SHROOM4: variants seen among roughly 807,000 people sequenced by gnomAD.
The protein encoded by SHROOM4 is shroom family member 4.
SHROOM4 carries 17 observed loss-of-function variants against 80.3 expected under a neutral mutation model. The ratio of observed to expected loss-of-function variants is 0.21; its 90% CI spans 0.14 to 0.32. The LOEUF (loss-of-function observed/expected upper bound fraction) is 0.32. Ranked by LOEUF, SHROOM4 falls within the 10% of genes least tolerant of loss-of-function variation. SHROOM4 has a pLI of 1.00. For synonymous variants in SHROOM4, 400 were observed against 437.5 expected (o/e 0.91, Z 1.07); for missense variants, 993 against 1,140.3 (o/e 0.87, Z 1.86).
intron 1 of SHROOM4, among the ~76,000 whole-genome samples, chrX:50,753,491 G>A: frequency 8.9e-6 from 1 of 111,772 alleles, no homozygotes; most frequent in Admixed American, 9.5e-5. Flanking sequence ...ATACCTGGGA[G>A]CAAGGCCTAG....
chrX:50,777,680 A>G (rs1226289528), intron 1 of SHROOM4, among the ~76,000 whole-genome samples: 1 of 112,071 alleles, frequency 8.9e-6, no homozygotes, highest in African/African-American at 3.2e-5. Context: ...ATCAAAATAT[A>G]TTACTCTGTT....
chrX:50,614,627 T>C (rs1930143422), intron 5 of SHROOM4, among the ~76,000 whole-genome samples: 1 of 112,313 alleles, frequency 8.9e-6, no homozygotes, highest in Non-Finnish European at 1.9e-5. Flanking sequence ...TTGGTGGGAG[T>C]TGAAATTAGC....
intron 2 of SHROOM4, among the ~76,000 whole-genome samples, chrX:50,640,512 C>T (rs1931550782): frequency 9.1e-6 from 1 of 110,466 alleles, no homozygotes; most frequent in African/African-American, 3.3e-5. Flanking sequence ...AACTTTATGC[C>T]CCAAATACTG....
chrX:50,691,870 G>A (rs1293955042), intron 2 of SHROOM4, among the ~76,000 whole-genome samples: 1 of 111,449 alleles, frequency 9.0e-6, no homozygotes, highest in African/African-American at 3.3e-5. Flanking sequence ...GAACGAGAGG[G>A]AATTAATTTC....
At chrX:50,752,888 T>A (rs1557268145) in intron 1 of SHROOM4, among the ~76,000 whole-genome samples, 1 of 111,697 alleles carries the variant, frequency 9.0e-6, no homozygotes, top group African/African-American at 3.3e-5. Context: ...TCACTCTCCA[T>A]ACTTTACATA....
At chrX:50,730,076 T>C (rs1318453496) in intron 1 of SHROOM4, among the ~76,000 whole-genome samples, 6 of 112,190 alleles carry the variant, frequency 5.3e-5, no homozygotes, top group Non-Finnish European at 1.1e-4. Flanking sequence ...TAAAGGTTAA[T>C]TGTGTAGGTA....
intron 5 of SHROOM4, among the ~76,000 whole-genome samples, chrX:50,626,861 C>T (rs782443027): frequency 1.2e-4 from 13 of 111,923 alleles, no homozygotes; most frequent in African/African-American, 3.6e-4. Context: ...GTGCTTCCTG[C>T]TGTTCTTTTG....
At chrX:50,616,143 T>A (rs1930225485) in intron 5 of SHROOM4, among the ~76,000 whole-genome samples, 1 of 112,484 alleles carries the variant, frequency 8.9e-6, no homozygotes, top group South Asian at 3.7e-4. Flanking sequence ...CCCTTCAGCC[T>A]TGTCCAATCA....
intron 2 of SHROOM4, among the ~76,000 whole-genome samples, chrX:50,644,226 C>T (rs2147324380): frequency 8.9e-6 from 1 of 112,420 alleles, no homozygotes; most frequent in South Asian, 3.7e-4. Context: ...AGAAAAGGTG[C>T]CCATTAGCAA....
chrX:50,785,159 T>A (rs888106095), intron 1 of SHROOM4, among the ~76,000 whole-genome samples: 5 of 111,834 alleles, frequency 4.5e-5, no homozygotes, highest in Non-Finnish European at 7.5e-5. Flanking sequence ...CCTCCTACAG[T>A]ATTGACTTAA....
chrX:50,675,626 T>A (rs1237674398), intron 2 of SHROOM4, among the ~76,000 whole-genome samples: 1 of 111,084 alleles, frequency 9.0e-6, no homozygotes, highest in East Asian at 2.8e-4. Flanking sequence ...AAATATGAAG[T>A]TAGTATTGAG....
intron 1 of SHROOM4, among the ~76,000 whole-genome samples, chrX:50,702,346 C>A (rs782640944): frequency 9.0e-6 from 1 of 111,149 alleles, no homozygotes; most frequent in East Asian, 2.8e-4. Flanking sequence ...TTAGAGACTC[C>A]GAAGAGAAAT....
intron 1 of SHROOM4, among the ~76,000 whole-genome samples, chrX:50,698,883 G>A (rs1333691554): frequency 8.9e-6 from 1 of 112,072 alleles, no homozygotes; most frequent in African/African-American, 3.2e-5. Context: ...ATATTCTTCC[G>A]TAAAAGGTTT....
intron 2 of SHROOM4, among the ~76,000 whole-genome samples, chrX:50,648,100 G>A (rs782771928): frequency 8.9e-6 from 1 of 111,998 alleles, no homozygotes; most frequent in South Asian, 3.7e-4. Context: ...GTGTGTGTGG[G>A]GGTCAACAGT....
rs1557246549 is a variant in SHROOM4 at position 50,596,240 on chromosome X, TC to T, written c.*454del. 5 of 334,697 alleles carry T rather than the reference TC, an allele frequency of 1.5e-5. No individual in the cohort carries two copies. Among genetic ancestry groups the T allele is most frequent in the Non-Finnish European group, 2.9e-5 (5 of 173,348 alleles). 27.6% of individuals were successfully genotyped at this position (334,697 alleles called of 1,213,427 possible). A position where few individuals can be genotyped will look rare whatever the true frequency, so the allele number is the denominator to read the frequency against. ...TGAAACTGGTGCCAGGTGAATGCCCTCAAGGCAGCCAGCTCTCTGTGAGAAA... is the reference window on the plus strand; with the variant it reads ...TGAAACTGGTGCCAGGTGAATGCCCTAAGGCAGCCAGCTCTCTGTGAGAAA... On this transcript the variant is annotated 3_prime_UTR_variant, in exon 9 of 9. Coordinates refer to ENST00000376020, the MANE Select transcript of SHROOM4 (RefSeq NM_020717.5).
chrX:50,704,782 G>C (rs1370905065), intron 1 of SHROOM4, among the ~76,000 whole-genome samples: 1 of 110,927 alleles, frequency 9.0e-6, no homozygotes, highest in African/African-American at 3.3e-5. Context: ...CGAAGGGAGA[G>C]GGGGTTTGTT....
Position 50,602,766 on chromosome X carries a change from G to A in SHROOM4, c.3809C>T (p.Pro1270Leu). 1 of 1,211,113 alleles carries A rather than the reference G, an allele frequency of 8.3e-7. No individual in the cohort carries two copies. The highest frequency in any genetic ancestry group is 1.1e-6 in the Non-Finnish European group (1 of 895,173). The change falls in exon 7 of 9, where the codon CCT becomes CTT. Residue 1270 changes from proline to leucine, a missense_variant. Pro to Leu is a moderately conservative substitution (Grantham distance 98, BLOSUM62 -3). Transcript: ENST00000376020. ...ATTGTAATAAGCTGAGTAAGAGGTA[G>A]GGATTCCTGGGGCCCCTGAAGGAGG... Reference protein sequence around the residue: ...FSPPSGAPGIPTSYSAYYNIS... With the variant: ...FSPPSGAPGILTSYSAYYNIS...
At chrX:50,748,847 G>A (rs1232916940) in intron 1 of SHROOM4, among the ~76,000 whole-genome samples, 1 of 112,206 alleles carries the variant, frequency 8.9e-6, no homozygotes, top group Non-Finnish European at 1.9e-5. Context: ...CTGTATATTG[G>A]ACCAATTAAA....
intron 5 of SHROOM4, among the ~76,000 whole-genome samples, chrX:50,616,501 C>T (rs1215132785): frequency 7.2e-5 from 8 of 111,772 alleles, no homozygotes; most frequent in Non-Finnish European, 1.5e-4. Flanking sequence ...ATATTGCCAA[C>T]ATATGTTGAG....
Sources: allele counts gnomAD v4.1 joint callset (sites outside exome capture counted in the v4.1 genomes callset), GRCh38; gene constraint gnomAD v4.1.1; transcripts MANE v1.5; gene names NCBI Gene and HGNC (gene_info 2026-07-23, HGNC 2026-07-21).